Variants in FCHO2 observed in about 807,000 individuals in gnomAD.
FCHO2 encodes the protein FCH and mu domain containing endocytic adaptor 2.
In FCHO2, 43 loss-of-function variants were observed where a neutral mutation model predicts 114.1. The observed-to-expected ratio is 0.38, with a 90% CI of 0.30 to 0.49. The LOEUF (loss-of-function observed/expected upper bound fraction) is 0.49, where lower values mean the gene tolerates loss of function less well. FCHO2 is among the 20% of genes least tolerant of loss of function. The probability of loss-of-function intolerance (pLI) is 0.97; values close to 1 mark genes in which losing one functional copy is unlikely to be tolerated. For missense variants in FCHO2, 807 were observed against 950.4 expected (o/e 0.85, Z 1.98); for synonymous variants, 293 against 315.2 (o/e 0.93, Z 0.75).
At chr5:72,967,403 T>C (rs1019981266) in intron 1 of FCHO2, among the ~76,000 whole-genome samples, 7 of 152,212 alleles carry the variant, frequency 4.6e-5, no homozygotes, top group African/African-American at 1.7e-4. Flanking sequence ...AAGATCTAAG[T>C]ATTTTGTGAT....
At chr5:73,063,773 A>C in intron 17 of FCHO2, 68 bp from the exon 18 acceptor site, 1 of 1,386,618 alleles carries the variant, frequency 7.2e-7, no homozygotes, top group Non-Finnish European at 1.0e-6. Context: ...TTTATAATAG[A>C]ATGTCTTTAT....
intron 5 of FCHO2, among the ~76,000 whole-genome samples, chr5:73,001,905 CAAA>C (rs759275812): frequency 2.5e-4 from 19 of 77,062 alleles, no homozygotes; most frequent in Admixed American, 2.8e-4. Context: ...TACCCTGTCT[CAAA>C]AAAAAAAAAA....
At chr5:73,031,995 T>C (rs1756262008) in intron 8 of FCHO2, among the ~76,000 whole-genome samples, 4 of 152,232 alleles carry the variant, frequency 2.6e-5, no homozygotes, top group Admixed American at 2.6e-4. Flanking sequence ...TAACTTGTCT[T>C]ATGATTAAAT....
intron 2 of FCHO2, among the ~76,000 whole-genome samples, chr5:72,977,978 A>T (rs997012375): frequency 2.6e-5 from 4 of 152,098 alleles, no homozygotes; most frequent in African/African-American, 4.8e-5. Flanking sequence ...ATTGGTCTAT[A>T]TCTCTGTTTT....
intron 8 of FCHO2, among the ~76,000 whole-genome samples, chr5:73,018,963 T>C (rs1258851251): frequency 2.0e-5 from 3 of 152,186 alleles, no homozygotes; most frequent in African/African-American, 4.8e-5. Context: ...TTTGGATAAA[T>C]AGACTCATAG....
At chr5:73,028,882 C>T (rs896059140) in intron 8 of FCHO2, among the ~76,000 whole-genome samples, 2 of 151,892 alleles carry the variant, frequency 1.3e-5, no homozygotes, top group Admixed American at 1.3e-4. Flanking sequence ...CTCCTGACCT[C>T]GTGATCCACC....
intron 6 of FCHO2, among the ~76,000 whole-genome samples, chr5:73,006,858 C>A (rs1754744389): frequency 6.6e-6 from 1 of 152,076 alleles, no homozygotes; most frequent in Non-Finnish European, 1.5e-5. Context: ...CTGGAAGTGA[C>A]TTAGTAGTGA....
At chr5:73,028,068 A>G (rs1756036209) in intron 8 of FCHO2, among the ~76,000 whole-genome samples, 1 of 152,008 alleles carries the variant, frequency 6.6e-6, no homozygotes, top group South Asian at 2.1e-4. Flanking sequence ...GGTGTTGTGC[A>G]CCTGTAGTCT....
At chr5:73,008,318 A>G (rs141790135) in intron 6 of FCHO2, among the ~76,000 whole-genome samples, 42 of 152,276 alleles carry the variant, frequency 2.8e-4, no homozygotes, top group African/African-American at 9.9e-4. Context: ...GGAAGTCAGT[A>G]TAGTAGTCAG....
At chr5:72,999,629 C>T (rs1208651231) in intron 5 of FCHO2, among the ~76,000 whole-genome samples, 2 of 152,046 alleles carry the variant, frequency 1.3e-5, no homozygotes, top group South Asian at 2.1e-4. Flanking sequence ...GTGATATGCC[C>T]GTCTCAGCCT....
Position 73,088,312 on chromosome 5 carries a change from G to A in FCHO2, c.*222G>A, listed in dbSNP as rs890415321. 5.5e-6 allele frequency: 3 copies of A among 545,532 alleles called. No individual in the cohort carries two copies. Among genetic ancestry groups the A allele is most frequent in the African/African-American group, 3.8e-5 (2 of 52,848 alleles). 33.8% of individuals were successfully genotyped at this position (545,532 alleles called of 1,614,324 possible). A position where few individuals can be genotyped will look rare whatever the true frequency, so the allele number is the denominator to read the frequency against. On this transcript the variant is annotated 3_prime_UTR_variant, in exon 26 of 26. Coordinates refer to ENST00000430046, the MANE Select transcript of FCHO2 (RefSeq NM_138782.3). The stretch of plus-strand genomic sequence containing the variant: ...AATGATCAACTACAATATTCAGGAA[G>A]CACATTTATTCAGATTCTCAGTAAA...
chr5:73,063,351 A>ACCCC (rs1757931729), intron 17 of FCHO2, among the ~76,000 whole-genome samples: 1 of 140,818 alleles, frequency 7.1e-6, no homozygotes, highest in South Asian at 2.2e-4. Context: ...CAAATAATGT[A>ACCCC]CCCCCCAAAA....
At chr5:72,957,713 TG>T (rs1386997441) in intron 1 of FCHO2, among the ~76,000 whole-genome samples, 5 of 152,228 alleles carry the variant, frequency 3.3e-5, no homozygotes, top group Non-Finnish European at 5.9e-5. Flanking sequence ...ATGGGATTCC[TG>T]GGTCAAATCG....
At position 73,026,939 on chromosome 5, in the gene FCHO2, G is replaced by C. The variant is rs141152300; in HGVS notation, c.797-7718G>C. Among the ~76,000 whole-genome samples the C allele has an allele frequency of 4.5e-3, 675 of 151,464 alleles. 3 individuals are homozygous for C. Among genetic ancestry groups the C allele is most frequent in the African/African-American group, 0.016 (644 of 41,268 alleles). On this transcript the variant is annotated intron_variant, in intron 8 of 25. Transcript: ENST00000430046. ...ACTCTTGGCCTGAAGCAGTCCACCT[G>C]CCTCAGCCTCCCAAAGTGCTGGGAT...
intron 23 of FCHO2, 40 bp downstream of exon 23, chr5:73,082,022 T>A (rs755272963): frequency 7.2e-7 from 1 of 1,386,284 alleles, no homozygotes; most frequent in Non-Finnish European, 9.5e-7. Flanking sequence ...ACTAAATTTT[T>A]GTTGCAATCC....
intron 24 of FCHO2, among the ~76,000 whole-genome samples, chr5:73,083,589 G>A (rs1743194959): frequency 6.6e-6 from 1 of 152,138 alleles, no homozygotes; most frequent in Non-Finnish European, 1.5e-5. Flanking sequence ...GACGCTTCCA[G>A]GCTTTAAAAA....
chr5:73,070,461 G>A (rs2112877974), intron 19 of FCHO2, among the ~76,000 whole-genome samples: 1 of 151,280 alleles, frequency 6.6e-6, no homozygotes, highest in African/African-American at 2.4e-5. Flanking sequence ...TGTTTGTGTG[G>A]TTTTAATTTT....
At chr5:73,054,998 TA>T in intron 15 of FCHO2, 1 of 272,842 alleles carries the variant, frequency 3.7e-6, no homozygotes, top group Non-Finnish European at 7.6e-6. Context: ...AATCATGCAT[TA>T]AAAATAACAA....
At chr5:72,971,581 A>G (rs1426767651) in intron 2 of FCHO2, among the ~76,000 whole-genome samples, 1 of 151,962 alleles carries the variant, frequency 6.6e-6, no homozygotes, top group Non-Finnish European at 1.5e-5. Flanking sequence ...GTTTGAGTTC[A>G]TTGTAGATTC....
Sources: gnomAD v4.1 joint callset for allele counts (sites outside exome capture counted in the v4.1 genomes callset) on GRCh38, gnomAD v4.1.1 for gene constraint, MANE v1.5 for transcripts, NCBI Gene and HGNC (gene_info 2026-07-23, HGNC 2026-07-21) for gene names.